The following AMOTL1 variants were observed in gnomAD, a reference collection of about 807,000 sequenced individuals.
AMOTL1 encodes the protein angiomotin like 1, also known as angiomotin-like protein 1.
Under a neutral mutation model 102.9 loss-of-function variants are expected in AMOTL1, and 45 were observed. The observed-to-expected ratio is 0.44, with a 90% CI of 0.34 to 0.56. AMOTL1 has a LOEUF of 0.56. Ranked by LOEUF, AMOTL1 falls within the 20% of genes least tolerant of loss-of-function variation. AMOTL1 has a pLI of 0.01. For missense variants in AMOTL1, 1,114 were observed against 1,225.6 expected (o/e 0.91, Z 1.36); for synonymous variants, 481 against 484.7 (o/e 0.99, Z 0.10).
At chr11:94,713,810 TG>T (rs1299368013) in intron 1 of AMOTL1, among the ~76,000 whole-genome samples, 3 of 151,916 alleles carry the variant, frequency 2.0e-5, no homozygotes, top group African/African-American at 4.8e-5. Flanking sequence ...GTAAATTCCT[TG>T]GGATTTTCTA....
At chr11:94,763,725 TA>T (rs1244170157), upstream of AMOTL1, among the ~76,000 whole-genome samples, 1 of 152,152 alleles carries the variant, frequency 6.6e-6, no homozygotes, top group African/African-American at 2.4e-5. Context: ...ATGATCATCA[TA>T]AAAGTCTTCA....
chr11:94,826,276 G>A (rs1951962227), intron 4 of AMOTL1, among the ~76,000 whole-genome samples: 1 of 152,150 alleles, frequency 6.6e-6, no homozygotes, highest in Non-Finnish European at 1.5e-5. Flanking sequence ...CTAGGTGATG[G>A]AATGAGACTG....
Position 94,799,264 on chromosome 11 carries a change from T to C in AMOTL1, c.200-126T>C. 1.2e-6 allele frequency: 1 copy of C among 805,068 alleles called. No homozygotes were observed. Among genetic ancestry groups the C allele is most frequent in the Admixed American group, 2.9e-5 (1 of 34,050 alleles). The allele number at this position is 805,068 out of a possible 1,614,324, so 49.9% of individuals were successfully genotyped here. ...GACATTGCCAGGTAAATGGAGGTGATGATGCATTTGAAATCTTATTTTTAA... is the reference window on the plus strand; with the variant it reads ...GACATTGCCAGGTAAATGGAGGTGACGATGCATTTGAAATCTTATTTTTAA... On this transcript the variant is annotated intron_variant, in intron 2 of 12. Transcript: ENST00000433060. The surrounding 1 kb of genome is among the most constrained non-coding windows in gnomAD (Gnocchi z 4.5).
chr11:94,809,595 C>G (rs565648963), intron 3 of AMOTL1, among the ~76,000 whole-genome samples: 2 of 152,340 alleles, frequency 1.3e-5, no homozygotes, highest in East Asian at 3.9e-4. Context: ...TGCTTCTTGC[C>G]TTTCTTCTAT....
chr11:94,833,346 G>A (rs1317780904), intron 6 of AMOTL1, among the ~76,000 whole-genome samples: 1 of 152,032 alleles, frequency 6.6e-6, no homozygotes, highest in Non-Finnish European at 1.5e-5. Flanking sequence ...TGTGGCCAAG[G>A]GATGGACTCA....
Position 94,781,861 on chromosome 11 carries a change from A to G in AMOTL1, c.50-13150A>G, listed in dbSNP as rs149755762. On this transcript the variant is annotated intron_variant, in intron 1 of 12. Coordinates refer to ENST00000433060, the MANE Select transcript of AMOTL1 (RefSeq NM_130847.3). ...AAAGAAGAAAAAAAAAAAAAGAAAA[A>G]AACTATCTTCATAATAATGCTAAGA... Among the ~76,000 whole-genome samples, 306 of 152,202 alleles carry G rather than the reference A, an allele frequency of 2.0e-3. 2 individuals carry two copies. Among genetic ancestry groups the G allele is most frequent in the African/African-American group, 7.1e-3 (295 of 41,548 alleles).
intron 3 of AMOTL1, among the ~76,000 whole-genome samples, chr11:94,801,419 G>A (rs1176249803): frequency 2.6e-5 from 4 of 152,060 alleles, no homozygotes; most frequent in Non-Finnish European, 5.9e-5. Context: ...TGATGATGAC[G>A]GTCTCTGGGT....
chr11:94,836,453 C>T (rs747387490), intron 6 of AMOTL1, among the ~76,000 whole-genome samples: 1 of 152,138 alleles, frequency 6.6e-6, no homozygotes, highest in Non-Finnish European at 1.5e-5. Context: ...GAACTATAGA[C>T]GTTCTTCACC....
chr11:94,808,432 C>T (rs1252314712), intron 3 of AMOTL1, among the ~76,000 whole-genome samples: 2 of 152,112 alleles, frequency 1.3e-5, no homozygotes, highest in African/African-American at 4.8e-5. Flanking sequence ...TTTCTATTTA[C>T]CCATTGATTT....
intron 3 of AMOTL1, among the ~76,000 whole-genome samples, chr11:94,762,888 T>C (rs1950811317): frequency 1.3e-5 from 2 of 152,132 alleles, no homozygotes; most frequent in South Asian, 4.1e-4. Flanking sequence ...TCACTATGGG[T>C]GTGAAACGAA....
intron 3 of AMOTL1, among the ~76,000 whole-genome samples, chr11:94,752,167 C>G (rs2135490815): frequency 1.3e-5 from 2 of 152,242 alleles, no homozygotes; most frequent in South Asian, 4.1e-4. Context: ...CTCTCTCCTG[C>G]TCACCCCCTC....
At chr11:94,838,286 G>A (rs1952224366) in intron 6 of AMOTL1, among the ~76,000 whole-genome samples, 1 of 152,150 alleles carries the variant, frequency 6.6e-6, no homozygotes, top group Admixed American at 6.5e-5. Context: ...GCACTTAGAG[G>A]CATTTAATAA....
chr11:94,829,995 A>T lies in AMOTL1; in HGVS notation c.1414-55A>T, dbSNP rs576263681. On this transcript the variant is annotated intron_variant, in intron 4 of 12. Transcript: ENST00000433060. The stretch of plus-strand genomic sequence containing the variant: ...GCAATGTCTAAGAATCCATTTTACC[A>T]AGACACCAGCATGAATGTCAAAGGT... 496 of 1,509,852 alleles carry T rather than the reference A, an allele frequency of 3.3e-4. 7 individuals carry two copies. The South Asian group carries it at 6.3e-3, about 19-fold the overall frequency. 93.5% of individuals were successfully genotyped at this position (1,509,852 alleles called of 1,614,324 possible).
chr11:94,859,397 T>G (rs1952729701), intron 8 of AMOTL1, 128 bp from the exon 9 acceptor site: 3 of 883,160 alleles, frequency 3.4e-6, no homozygotes, highest in Non-Finnish European at 4.9e-6. Flanking sequence ...CAGAGGAATT[T>G]GGAGGTGAAG....
At chr11:94,850,004 A>C in intron 6 of AMOTL1, 110 bp from the exon 7 acceptor site, 1 of 1,291,122 alleles carries the variant, frequency 7.7e-7, no homozygotes, top group South Asian at 1.5e-5. Flanking sequence ...TCAGTCCTCC[A>C]TTATTTGCAT....
intron 1 of AMOTL1, among the ~76,000 whole-genome samples, chr11:94,788,349 C>G (rs1391875320): frequency 6.6e-6 from 1 of 152,212 alleles, no homozygotes; most frequent in Non-Finnish European, 1.5e-5. Context: ...TTACCCATAA[C>G]TAAGCTACGC....
rs374982986 is a variant in AMOTL1, at chr11:94,798,443, GAAAACCT to G, written c.200-946_200-940del. ...GGTAAAGGGAGAGGAAGGAATTTTG[GAAAACCT>G]TCAGTTTTCTGGCTTGACAGAAAGT... is the stretch of plus-strand genomic sequence containing the variant. On this transcript the variant is annotated intron_variant, in intron 2 of 12. Coordinates refer to ENST00000433060, the MANE Select transcript of AMOTL1 (RefSeq NM_130847.3). 3.0e-3 allele frequency among the ~76,000 whole-genome samples: 454 copies of G among 152,250 alleles called. 1 individual carries two copies. The highest frequency in any genetic ancestry group is 0.011 in the African/African-American group (445 of 41,556).
At chr11:94,738,512 C>T (rs910584509) in intron 2 of AMOTL1, among the ~76,000 whole-genome samples, 1 of 152,128 alleles carries the variant, frequency 6.6e-6, no homozygotes, top group Non-Finnish European at 1.5e-5. Flanking sequence ...CCCACCTCAG[C>T]CTCCCAGAGT....
At chr11:94,745,505 T>C (rs1464123452) in intron 3 of AMOTL1, among the ~76,000 whole-genome samples, 1 of 152,204 alleles carries the variant, frequency 6.6e-6, no homozygotes, top group East Asian at 1.9e-4. Context: ...TTAGGAGCTC[T>C]GTGCTGAGAA....
Sources: allele counts gnomAD v4.1 joint callset (sites outside exome capture counted in the v4.1 genomes callset), GRCh38; gene constraint gnomAD v4.1.1; non-coding constraint Gnocchi (gnomAD v3.1); transcripts MANE v1.5; gene names NCBI Gene and HGNC (gene_info 2026-07-23, HGNC 2026-07-21).